The following PTTG1IP2 variants were observed in gnomAD, a reference collection of about 807,000 sequenced individuals.
The protein encoded by PTTG1IP2 is PTTG1IP family member 2.
chr7:90,482,094 A>G (rs377517828), intron 2 of PTTG1IP2, among the ~76,000 whole-genome samples: 108 of 152,262 alleles, frequency 7.1e-4, no homozygotes, highest in African/African-American at 2.4e-3. Context: ...CCTTTGGAGA[A>G]AGATCCCCTG....
intron 6 of PTTG1IP2, among the ~76,000 whole-genome samples, chr7:90,507,920 T>C (rs1798141983): frequency 6.6e-6 from 1 of 152,114 alleles, no homozygotes; most frequent in Non-Finnish European, 1.5e-5. Flanking sequence ...ACTTGAGATC[T>C]TTCAAGGAAG....
chr7:90,510,360 C>T (rs1322679387), intron 6 of PTTG1IP2, among the ~76,000 whole-genome samples: 3 of 152,036 alleles, frequency 2.0e-5, no homozygotes, highest in Non-Finnish European at 4.4e-5. Flanking sequence ...TCTGCAGTAG[C>T]CTAGATTTAT....
At chr7:90,509,446 T>A (rs1189372575) in intron 6 of PTTG1IP2, among the ~76,000 whole-genome samples, 1 of 152,114 alleles carries the variant, frequency 6.6e-6, no homozygotes, top group Non-Finnish European at 1.5e-5. Flanking sequence ...TGTGGGTGGC[T>A]GGAAGATACG....
intron 1 of PTTG1IP2, among the ~76,000 whole-genome samples, chr7:90,475,343 C>T (rs1418906405): frequency 2.0e-5 from 3 of 152,136 alleles, no homozygotes; most frequent in Admixed American, 2.0e-4. Flanking sequence ...GCAAGGAAAT[C>T]CAGAGATGCT....
At chr7:90,484,273 A>G (rs988997696) in intron 2 of PTTG1IP2, among the ~76,000 whole-genome samples, 1 of 151,932 alleles carries the variant, frequency 6.6e-6, no homozygotes, top group Non-Finnish European at 1.5e-5. Flanking sequence ...GCATAATATT[A>G]AGCCATTTGC....
chr7:90,510,122 G>A (rs1584703126), intron 6 of PTTG1IP2, among the ~76,000 whole-genome samples: 1 of 152,174 alleles, frequency 6.6e-6, no homozygotes, highest in South Asian at 2.1e-4. Flanking sequence ...GGCTCAGTGG[G>A]AAAGAGCACT....
At chr7:90,478,295 T>C in intron 1 of PTTG1IP2, among the ~76,000 whole-genome samples, 1 of 152,174 alleles carries the variant, frequency 6.6e-6, no homozygotes. Context: ...TCTGTTTCCC[T>C]GTTTCTGCCT....
intron 6 of PTTG1IP2, among the ~76,000 whole-genome samples, chr7:90,494,694 C>T (rs113414966): frequency 2.8e-4 from 42 of 152,178 alleles, no homozygotes; most frequent in African/African-American, 7.5e-4. Context: ...CTAGCCCGGA[C>T]AATATAGCGA....
intron 2 of PTTG1IP2, among the ~76,000 whole-genome samples, chr7:90,482,508 C>A (rs1005883682): frequency 1.3e-5 from 2 of 149,388 alleles, no homozygotes; most frequent in Admixed American, 6.7e-5. Flanking sequence ...ATTTACAACC[C>A]CCCCCCCACA....
At chr7:90,481,730 G>A (rs1217011780) in intron 2 of PTTG1IP2, among the ~76,000 whole-genome samples, 4 of 151,874 alleles carry the variant, frequency 2.6e-5, no homozygotes, top group African/African-American at 7.3e-5. Context: ...ATTGTAACTC[G>A]TATCATTTAA....
At chr7:90,472,076 C>T (rs1797694806) in intron 1 of PTTG1IP2, among the ~76,000 whole-genome samples, 1 of 151,852 alleles carries the variant, frequency 6.6e-6, no homozygotes, top group African/African-American at 2.4e-5. Context: ...GTGAATAGAA[C>T]ATAAAATGCC....
chr7:90,471,830 G>C (rs1233578322), intron 1 of PTTG1IP2, among the ~76,000 whole-genome samples: 1 of 152,180 alleles, frequency 6.6e-6, no homozygotes, highest in Non-Finnish European at 1.5e-5. Context: ...TGAAGAGAGA[G>C]GGCCTGACTC....
chr7:90,505,356 G>T (rs902625339), intron 6 of PTTG1IP2, among the ~76,000 whole-genome samples: 1 of 152,192 alleles, frequency 6.6e-6, no homozygotes, highest in Non-Finnish European at 1.5e-5. Context: ...CATCATGATT[G>T]TACAACCAAT....
rs537327189 is a variant in PTTG1IP2 at position 90,475,896 on chromosome 7, G to A, written c.146-3332G>A. 3.4e-3 allele frequency among the ~76,000 whole-genome samples: 508 copies of A among 151,054 alleles called. 2 individuals carry two copies. Among genetic ancestry groups the A allele is most frequent in the Non-Finnish European group, 4.9e-3 (332 of 67,878 alleles). On this transcript the variant is annotated intron_variant, in intron 1 of 6. Coordinates refer to ENST00000509356, the MANE Select transcript of PTTG1IP2 (RefSeq NM_001365443.2). ...GTGGAGTTTGCAGTGAGCTGAGATC[G>A]CGCCACTGCACTCCAGCTTGGTGAC...
chr7:90,504,230 T>G (rs888282816), intron 6 of PTTG1IP2, among the ~76,000 whole-genome samples: 2 of 151,950 alleles, frequency 1.3e-5, no homozygotes, highest in African/African-American at 4.8e-5. Context: ...GGCAGAGAAT[T>G]GCTTGAACCT....
intron 6 of PTTG1IP2, among the ~76,000 whole-genome samples, chr7:90,496,789 T>G (rs936801526): frequency 1.3e-5 from 2 of 152,156 alleles, no homozygotes; most frequent in African/African-American, 4.8e-5. Context: ...ATAAGGTTAT[T>G]AATTTGAGAT....
chr7:90,481,178 A>T (rs902561173), intron 2 of PTTG1IP2, among the ~76,000 whole-genome samples: 3 of 151,956 alleles, frequency 2.0e-5, no homozygotes, highest in Admixed American at 6.6e-5. Flanking sequence ...AATGGCTTTG[A>T]TCTCTTTTTT....
At chr7:90,478,925 CA>C (rs981653204) in intron 1 of PTTG1IP2, among the ~76,000 whole-genome samples, 1 of 151,064 alleles carries the variant, frequency 6.6e-6, no homozygotes, top group African/African-American at 2.4e-5. Context: ...TTTTAAAATA[CA>C]ATGGAGTTGC....
intron 6 of PTTG1IP2, among the ~76,000 whole-genome samples, chr7:90,497,566 A>G (rs1798009529): frequency 6.9e-6 from 1 of 144,894 alleles, no homozygotes; most frequent in South Asian, 2.1e-4. Flanking sequence ...TCCGTCTCAA[A>G]AAAAAAAAAA....
Sources: gnomAD v4.1 joint callset for allele counts (sites outside exome capture counted in the v4.1 genomes callset) on GRCh38, gnomAD v4.1.1 for gene constraint, MANE v1.5 for transcripts, NCBI Gene and HGNC (gene_info 2026-07-23, HGNC 2026-07-21) for gene names.